Variants in PMFBP1 observed in about 807,000 individuals in gnomAD.
PMFBP1 encodes the protein polyamine modulated factor 1 binding protein 1.
In PMFBP1, 131 loss-of-function variants were observed where a neutral mutation model predicts 137.8. The ratio of observed to expected loss-of-function variants is 0.95; its 90% CI spans 0.82 to 1.10. The LOEUF (loss-of-function observed/expected upper bound fraction) is 1.10. Ranked by LOEUF, PMFBP1 falls within the 50% of genes least tolerant of loss-of-function variation. PMFBP1 has a pLI of 0.00. For synonymous variants in PMFBP1, 490 were observed against 450.4 expected, an observed-to-expected ratio of 1.09 and a Z score of -1.11; for missense variants, 1,199 against 1,175.4, an observed-to-expected ratio of 1.02 and a Z score of -0.29.
At chr16:72,187,543 T>G in the PMFBP1 span, among the ~76,000 whole-genome samples, 1 of 152,206 alleles carries the variant, frequency 6.6e-6, no homozygotes, top group African/African-American at 2.4e-5. Flanking sequence ...GTGGTGAGAC[T>G]TCTTATATTG....
chr16:72,205,563 T>C, the PMFBP1 span, among the ~76,000 whole-genome samples: 1 of 152,144 alleles, frequency 6.6e-6, no homozygotes, highest in East Asian at 1.9e-4. Context: ...TAGCTCTCCA[T>C]ACACATACAA....
chr16:72,242,404 C>T, the PMFBP1 span, among the ~76,000 whole-genome samples: 45 of 152,350 alleles, frequency 3.0e-4, no homozygotes, highest in Non-Finnish European at 5.6e-4. Context: ...CCTTAGTTCT[C>T]TTTATTCTAA....
At chr16:72,188,128 A>G in the PMFBP1 span, among the ~76,000 whole-genome samples, 1 of 152,210 alleles carries the variant, frequency 6.6e-6, no homozygotes, top group Non-Finnish European at 1.5e-5. Flanking sequence ...ATGGGTTAAT[A>G]TTGGTCATTT....
chr16:72,185,842 T>C, the PMFBP1 span, among the ~76,000 whole-genome samples: 1 of 152,190 alleles, frequency 6.6e-6, no homozygotes, highest in South Asian at 2.1e-4. Context: ...TCAGTCCACA[T>C]GGCCAGCACA....
intron 2 of PMFBP1, among the ~76,000 whole-genome samples, chr16:72,170,801 A>G (rs541712436): frequency 6.6e-6 from 1 of 152,300 alleles, no homozygotes; most frequent in Non-Finnish European, 1.5e-5. Flanking sequence ...CCAGATAAAG[A>G]GAGAATGTTA....
At chr16:72,216,539 C>T in the PMFBP1 span, among the ~76,000 whole-genome samples, 1 of 152,120 alleles carries the variant, frequency 6.6e-6, no homozygotes, top group African/African-American at 2.4e-5. Context: ...AAGTTGGCGG[C>T]TCTAGAGGAG....
At chr16:72,133,810 A>C (rs191915482) in intron 9 of PMFBP1, among the ~76,000 whole-genome samples, 1 of 152,192 alleles carries the variant, frequency 6.6e-6, no homozygotes, top group Admixed American at 6.5e-5. Context: ...GGTGATCAGC[A>C]GACTCCTGGG....
chr16:72,152,844 CAAAAAAAAAAAA>C (rs34108768), intron 4 of PMFBP1, among the ~76,000 whole-genome samples: 1 of 65,054 alleles, frequency 1.5e-5, no homozygotes, highest in Non-Finnish European at 2.8e-5. Context: ...GACTTCGTCT[CAAAAAAAAAAAA>C]AAAAAAAAAA....
chr16:72,157,908 A>C (rs1454481699), intron 3 of PMFBP1, among the ~76,000 whole-genome samples: 1 of 152,150 alleles, frequency 6.6e-6, no homozygotes, highest in East Asian at 1.9e-4. Context: ...GCTGGGTTAC[A>C]GGTTAGATGG....
the PMFBP1 span, among the ~76,000 whole-genome samples, chr16:72,249,857 G>A: frequency 7.4e-6 from 1 of 135,090 alleles, no homozygotes; most frequent in African/African-American, 2.9e-5. Flanking sequence ...GGAGGCAGAG[G>A]TTGCACTGAG....
At chr16:72,155,821 A>AC (rs1371837063) in intron 3 of PMFBP1, among the ~76,000 whole-genome samples, 54 of 151,284 alleles carry the variant, frequency 3.6e-4, no homozygotes, top group Middle Eastern at 6.8e-3. Context: ...ATTTCTATCA[A>AC]CCCCCCACGT....
the PMFBP1 span, among the ~76,000 whole-genome samples, chr16:72,216,406 G>T: frequency 6.6e-6 from 1 of 152,112 alleles, no homozygotes; most frequent in African/African-American, 2.4e-5. Context: ...ATGTGGCATT[G>T]GTTTAATGGT....
chr16:72,131,018 G>A (rs529922054), intron 10 of PMFBP1, among the ~76,000 whole-genome samples: 1 of 152,292 alleles, frequency 6.6e-6, no homozygotes, highest in South Asian at 2.1e-4. Flanking sequence ...GGAGTTTAGA[G>A]GCTCCTGAGG....
the PMFBP1 span, among the ~76,000 whole-genome samples, chr16:72,206,757 ATTACCG>A: frequency 6.6e-6 from 1 of 152,126 alleles, no homozygotes; most frequent in Non-Finnish European, 1.5e-5. Context: ...CGTGCCAACG[ATTACCG>A]TAGCTAAAAG....
At chr16:72,232,803 G>A in the PMFBP1 span, among the ~76,000 whole-genome samples, 7 of 152,106 alleles carry the variant, frequency 4.6e-5, no homozygotes. Flanking sequence ...ATGGAAGTGG[G>A]AGTTCTGGTC....
At chr16:72,231,826 A>G in the PMFBP1 span, among the ~76,000 whole-genome samples, 1 of 146,662 alleles carries the variant, frequency 6.8e-6, no homozygotes, top group African/African-American at 2.5e-5. Flanking sequence ...TGGTCCATTG[A>G]CCTCACTTTG....
chr16:72,224,290 T>C, the PMFBP1 span, among the ~76,000 whole-genome samples: 28 of 152,296 alleles, frequency 1.8e-4, no homozygotes, highest in South Asian at 4.8e-3. Flanking sequence ...TCTGAGCTCT[T>C]GCGAGAGCCT....
At chr16:72,157,462 G>A (rs867945159) in intron 3 of PMFBP1, among the ~76,000 whole-genome samples, 1 of 152,166 alleles carries the variant, frequency 6.6e-6, no homozygotes, top group East Asian at 1.9e-4. Context: ...ATGCTCCAGG[G>A]AGTGATGGCC....
chr16:72,227,614 A>G, the PMFBP1 span, among the ~76,000 whole-genome samples: 1 of 152,210 alleles, frequency 6.6e-6, no homozygotes, highest in African/African-American at 2.4e-5. Flanking sequence ...AAAGGGCCGT[A>G]TAACATTCTT....
Sources: allele counts gnomAD v4.1 joint callset (sites outside exome capture counted in the v4.1 genomes callset), GRCh38; gene constraint gnomAD v4.1.1; transcripts MANE v1.5; gene names NCBI Gene and HGNC (gene_info 2026-07-23, HGNC 2026-07-21).